HOGA1: variants seen among roughly 807,000 people sequenced by gnomAD.
The protein encoded by HOGA1 is 4-hydroxy-2-oxoglutarate aldolase 1.
In HOGA1, 30 loss-of-function variants were observed where a neutral mutation model predicts 34.3. That is an observed-to-expected ratio of 0.87 (90% confidence interval 0.65 to 1.19). The LOEUF (loss-of-function observed/expected upper bound fraction) is 1.19. Among genes scored for constraint, HOGA1 ranks in the 50% most tolerant of loss-of-function variants. The pLI is 0.00. For missense variants in HOGA1, 417 were observed against 436.5 expected (o/e 0.96, Z 0.40); for synonymous variants, 161 against 174.0 (o/e 0.93, Z 0.59).
intron 1 of HOGA1, among the ~76,000 whole-genome samples, chr10:97,586,939 C>T (rs1297389635): frequency 6.6e-6 from 1 of 152,158 alleles, no homozygotes; most frequent in African/African-American, 2.4e-5. Context: ...AGGACCTGGG[C>T]AAGAATCCTG....
At chr10:97,585,357 T>C (rs780740002) in intron 1 of HOGA1, among the ~76,000 whole-genome samples, 1 of 152,178 alleles carries the variant, frequency 6.6e-6, no homozygotes, top group Non-Finnish European at 1.5e-5. Context: ...CCAGAATTAG[T>C]TCTCCTGTGA....
Position 97,600,109 on chromosome 10 carries a change from G to A in HOGA1, c.646G>A (p.Asp216Asn). The part of the protein sequence containing the change: ...GLIVHKTRKQ[D>N]FQVLAGSAGF... ...GATTGTTCACAAGACCAGGAAGCAGGATTTTCAGGTGTTGGCTGGATCGGC... is the reference window on the plus strand; with the variant it reads ...GATTGTTCACAAGACCAGGAAGCAGAATTTTCAGGTGTTGGCTGGATCGGC... Residue 216 changes from aspartate (D) to asparagine (N), a missense_variant, in exon 5 of 7, where the codon GAT becomes AAT. Coordinates refer to ENST00000370646, the MANE Select transcript of HOGA1 (RefSeq NM_138413.4). 2 of 1,614,192 alleles carry A rather than the reference G, an allele frequency of 1.2e-6. No individual in the cohort carries two copies. The highest frequency in any genetic ancestry group is 1.3e-5 in the African/African-American group (1 of 75,048).
intron 2 of HOGA1, 39 bp downstream of exon 2, chr10:97,598,942 G>A: frequency 6.2e-7 from 1 of 1,612,112 alleles, no homozygotes; most frequent in Non-Finnish European, 8.5e-7. Flanking sequence ...GTGGGTGGAT[G>A]TGCAGGATCC....
intron 1 of HOGA1, among the ~76,000 whole-genome samples, chr10:97,587,363 G>T (rs1315204860): frequency 1.3e-5 from 2 of 152,180 alleles, no homozygotes; most frequent in Admixed American, 1.3e-4. Context: ...AAGGCAGGAG[G>T]ATCTCTTGAG....
At chr10:97,590,355 A>G in intron 1 of HOGA1, 1 of 1,614,058 alleles carries the variant, frequency 6.2e-7, no homozygotes, top group Non-Finnish European at 8.5e-7. Flanking sequence ...ATAGCTTACC[A>G]GCACTCAGGT....
intron 1 of HOGA1, among the ~76,000 whole-genome samples, chr10:97,586,892 C>T (rs773114335): frequency 9.2e-5 from 14 of 152,176 alleles, no homozygotes; most frequent in South Asian, 4.1e-4. Flanking sequence ...AGAGAGCCAG[C>T]GGGGTGTGGT....
intron 1 of HOGA1, among the ~76,000 whole-genome samples, chr10:97,592,668 G>A (rs1176956059): frequency 6.6e-6 from 1 of 152,074 alleles, no homozygotes; most frequent in Non-Finnish European, 1.5e-5. Context: ...TCGTTGTAAT[G>A]CAAGCAAAAT....
At position 97,612,570 on chromosome 10, in the gene HOGA1, A is replaced by G. The variant is rs1414183986; in HGVS notation, c.*911A>G. ...TCATTCATCTCCTATTCTGGTCTGT[A>G]GCCTTGATTCCAACCATTGAATGCA... On this transcript the variant is annotated 3_prime_UTR_variant, in exon 7 of 7. Coordinates refer to ENST00000370646, the MANE Select transcript of HOGA1 (RefSeq NM_138413.4). 6.6e-6 allele frequency: 1 copy of G among 152,210 alleles called. No individual in the cohort carries two copies. The highest frequency in any genetic ancestry group is 2.4e-5 in the African/African-American group (1 of 41,432). 9.4% of individuals were successfully genotyped at this position (152,210 alleles called of 1,614,324 possible). A position where few individuals can be genotyped will look rare whatever the true frequency, so the allele number is the denominator to read the frequency against.
At position 97,603,211 on chromosome 10, in the gene HOGA1, C is replaced by T. The variant is rs138308087; in HGVS notation, c.834+1221C>T. Among the ~76,000 whole-genome samples the T allele has an allele frequency of 9.2e-3, 1,405 of 152,122 alleles. 24 individuals carry two copies. The highest frequency in any genetic ancestry group is 0.03 in the African/African-American group (1,257 of 41,502). ...TAGAGACGGGGTTTCACCATGTTGGCCAGGCTGGCCTCAAACTCCTAACCT... is the reference window on the plus strand; with the variant it reads ...TAGAGACGGGGTTTCACCATGTTGGTCAGGCTGGCCTCAAACTCCTAACCT... On this transcript the variant is annotated intron_variant, in intron 6 of 6. Coordinates refer to ENST00000370646, the MANE Select transcript of HOGA1 (RefSeq NM_138413.4). The surrounding 1 kb of genome is among the most constrained non-coding windows in gnomAD (Gnocchi z 4.5).
intron 1 of HOGA1, among the ~76,000 whole-genome samples, chr10:97,587,016 A>T (rs2040976363): frequency 6.6e-6 from 1 of 152,188 alleles, no homozygotes; most frequent in Admixed American, 6.5e-5. Flanking sequence ...TCCTCATTTT[A>T]GAATAGGAAC....
At chr10:97,585,031 G>T in intron 1 of HOGA1, 117 bp downstream of exon 1, 1 of 822,866 alleles carries the variant, frequency 1.2e-6, no homozygotes. Flanking sequence ...GTACTCAGTG[G>T]GTCATTTTAT....
rs1301568436 is a variant in HOGA1, at chr10:97,612,679, A to G, written c.*1020A>G. ...TACATTCTAGAAGACTATTCTGGTC[A>G]GCCTAGGTCTGAAACACTAAGGAGA... On this transcript the variant is annotated 3_prime_UTR_variant, in exon 7 of 7. Transcript: ENST00000370646. The G allele has an allele frequency of 6.6e-6, 1 of 152,260 alleles. No homozygotes were observed. The allele number at this position is 152,260 out of a possible 1,614,324, so 9.4% of individuals were successfully genotyped here.
At chr10:97,587,601 G>T (rs1188169726) in intron 1 of HOGA1, among the ~76,000 whole-genome samples, 1 of 151,928 alleles carries the variant, frequency 6.6e-6, no homozygotes, top group Non-Finnish European at 1.5e-5. Context: ...TCCGCTTCCT[G>T]GGTTCAAGCG....
Position 97,611,516 on chromosome 10 carries a change from C to T in HOGA1, c.841C>T (p.Arg281Trp), listed in dbSNP as rs764224799. ...RLIEPNAAVT[R>W]RFGIPGLKKI... ...AACAGGCCCTGCTTTGCAGGTGACC[C>T]GGCGCTTTGGGATCCCAGGGCTGAA... is the stretch of plus-strand genomic sequence containing the variant. Residue 281 changes from arginine (R) to tryptophan (W), a missense_variant, in exon 7 of 7, where the codon CGG (arginine) becomes TGG (tryptophan). Arg to Trp is a moderately radical substitution (Grantham distance 101). Transcript: ENST00000370646. 23 of 1,614,056 alleles carry T rather than the reference C, an allele frequency of 1.4e-5. No homozygotes were observed. The East Asian group carries it at 1.6e-4, about 11-fold the overall frequency.
At position 97,611,985 on chromosome 10, in the gene HOGA1, G is replaced by T; in HGVS notation, c.*326G>T. 3.1e-6 allele frequency: 1 copy of T among 318,682 alleles called. No homozygotes were observed. The highest frequency in any genetic ancestry group is 5.9e-6 in the Non-Finnish European group (1 of 169,736). The allele number at this position is 318,682 out of a possible 1,614,324, so 19.7% of individuals were successfully genotyped here. On this transcript the variant is annotated 3_prime_UTR_variant, in exon 7 of 7. Coordinates refer to ENST00000370646, the MANE Select transcript of HOGA1 (RefSeq NM_138413.4). The stretch of plus-strand genomic sequence containing the variant: ...CATGAAGTCAGAAAGGAAGGGCAGA[G>T]GGGCAAGTAGGCACAGTAAGGGAAT...
intron 6 of HOGA1, among the ~76,000 whole-genome samples, chr10:97,605,148 C>T (rs920550969): frequency 6.6e-6 from 1 of 152,092 alleles, no homozygotes; most frequent in Non-Finnish European, 1.5e-5. Context: ...GTGGCTCACG[C>T]CTGTAACCCC....
chr10:97,584,396 A>T lies in HOGA1; in HGVS notation c.-308A>T. On this transcript the variant is annotated 5_prime_UTR_variant, in exon 1 of 7. Transcript: ENST00000370646. ...ATTGTGGGAGGAGGGCCCAGATCCC[A>T]CTGGAGATACCGAAGGAGATACTCT... The T allele has an allele frequency of 3.2e-6, 1 of 311,582 alleles. No individual in the cohort carries two copies. Among genetic ancestry groups the T allele is most frequent in the East Asian group, 5.8e-5 (1 of 17,314 alleles). The allele number at this position is 311,582 out of a possible 1,614,324, so 19.3% of individuals were successfully genotyped here.
chr10:97,599,586 G>C, intron 3 of HOGA1, 94 bp from the exon 4 acceptor site: 5 of 1,535,002 alleles, frequency 3.3e-6, no homozygotes, highest in Non-Finnish European at 4.5e-6. Context: ...GCCCTGTAGT[G>C]AAGCAGGCTG....
intron 1 of HOGA1, among the ~76,000 whole-genome samples, chr10:97,593,587 A>T (rs1407055833): frequency 6.6e-6 from 1 of 152,216 alleles, no homozygotes; most frequent in Admixed American, 6.5e-5. Flanking sequence ...TATGTCATGC[A>T]AAAAACTTTG....
Sources: gnomAD v4.1 joint callset for allele counts (sites outside exome capture counted in the v4.1 genomes callset) on GRCh38, gnomAD v4.1.1 for gene constraint, Gnocchi (gnomAD v3.1) non-coding constraint, MANE v1.5 for transcripts, NCBI Gene and HGNC (gene_info 2026-07-23, HGNC 2026-07-21) for gene names.